The following LAMC2 variants were observed in gnomAD, a reference collection of about 807,000 sequenced individuals.
LAMC2 encodes laminin subunit gamma-2.
In LAMC2, 97 loss-of-function variants were observed where a neutral mutation model predicts 140.2. That is an observed-to-expected ratio of 0.69 (90% CI 0.59 to 0.82). LAMC2 has a LOEUF of 0.82. Among genes scored for constraint, LAMC2 ranks in the 40% least tolerant of loss-of-function variants. The pLI is 0.00. For missense variants in LAMC2, 1,402 were observed against 1,476.1 expected (o/e 0.95, Z 0.82); for synonymous variants, 513 against 540.2 (o/e 0.95, Z 0.70).
Position 183,237,468 on chromosome 1 carries a change from A to C in LAMC2, c.2718A>C (p.Ala906=), listed in dbSNP as rs1429759261. 6.2e-7 allele frequency: 1 copy of C among 1,614,218 alleles called. No individual in the cohort carries two copies. Among genetic ancestry groups the C allele is most frequent in the Non-Finnish European group, 8.5e-7 (1 of 1,180,004 alleles). ...ATCTGGGAAACTGGAAAGAAGAAGC[A>C]CAGCAGCTCTTACAGAATGGAAAAA... The part of the protein sequence containing the change: ...QKNLGNWKEE[A]QQLLQNGKSG... The change falls in exon 18 of 23, where the codon GCA becomes GCC. Residue 906 remains alanine, a synonymous_variant. Transcript: ENST00000264144.
At chr1:183,215,610 T>C (rs1659230452) in intron 3 of LAMC2, 22 bp downstream of exon 3, 1 of 1,614,050 alleles carries the variant, frequency 6.2e-7, no homozygotes, top group Admixed American at 1.7e-5. Flanking sequence ...CATCCCACCA[T>C]GGCTGTCACT....
chr1:183,245,362 T>G (rs1201662721), downstream of LAMC2, among the ~76,000 whole-genome samples: 1 of 152,236 alleles, frequency 6.6e-6, no homozygotes, highest in Non-Finnish European at 1.5e-5. Flanking sequence ...TTGCTTTACC[T>G]TCTGTGAAAA....
the LAMC2 span, among the ~76,000 whole-genome samples, chr1:183,254,084 T>G: frequency 6.6e-6 from 1 of 152,170 alleles, no homozygotes; most frequent in Non-Finnish European, 1.5e-5. Flanking sequence ...GTGATTTCAT[T>G]TTCTTTGGGT....
At chr1:183,241,012 C>A (rs1660120635) in intron 22 of LAMC2, 1 of 154,934 alleles carries the variant, frequency 6.5e-6, no homozygotes, top group Non-Finnish European at 1.4e-5. Context: ...CTTTGGGAGA[C>A]TGAAGCGGGT....
intron 1 of LAMC2, among the ~76,000 whole-genome samples, chr1:183,191,074 C>G (rs934956598): frequency 1.3e-5 from 2 of 152,158 alleles, no homozygotes; most frequent in African/African-American, 4.8e-5. Context: ...TGATAAGTCT[C>G]CAATACATTG....
chr1:183,243,360 C>G lies in LAMC2; in HGVS notation c.3542C>G (p.Pro1181Arg), dbSNP rs1660179839. 6.2e-7 allele frequency: 1 copy of G among 1,614,164 alleles called. No homozygotes were observed. Among genetic ancestry groups the G allele is most frequent in the African/African-American group, 1.3e-5 (1 of 75,048 alleles). ...TTGGAGAACATTAGGGACAACCTGC[C>G]CCCAGGCTGCTACAATACCCAGGCT... ...KNLENIRDNL[P>R]PGCYNTQALE... Residue 1181 changes from proline to arginine, a missense_variant, in exon 23 of 23, where the codon CCC (proline) becomes CGC (arginine). Physicochemically the swap from Pro to Arg is moderately radical, Grantham distance 103 (BLOSUM62 -2). Transcript: ENST00000264144.
In LAMC2 at chr1:183,232,692, G is replaced by C; in HGVS notation, c.2055G>C (p.Arg685Ser). The change falls in exon 14 of 23, where the codon AGG (arginine) becomes AGC (serine). Residue 685 changes from arginine (R) to serine (S), a missense_variant. By Grantham distance (110) the Arg-to-Ser change is moderately radical. This residue lies in a region of LAMC2 where 670 missense variants were observed against 667.2 expected (regional missense o/e 1.00). Coordinates refer to ENST00000264144, the MANE Select transcript of LAMC2 (RefSeq NM_005562.3). The stretch of plus-strand genomic sequence containing the variant: ...TTGGTCTCCAGTTGGCCAAGGTGAG[G>C]AGCCAAGAGAACAGCTACCAGAGCC... Reference protein sequence around the residue: ...RSLGLQLAKVRSQENSYQSRL... With the variant: ...RSLGLQLAKVSSQENSYQSRL... The C allele has an allele frequency of 6.2e-7, 1 of 1,613,546 alleles. No homozygotes were observed. The highest frequency in any genetic ancestry group is 8.5e-7 in the Non-Finnish European group (1 of 1,179,934).
At chr1:183,196,584 T>C (rs1658524275) in intron 1 of LAMC2, among the ~76,000 whole-genome samples, 2 of 152,230 alleles carry the variant, frequency 1.3e-5, no homozygotes, top group Admixed American at 6.5e-5. Context: ...GTATAGCCTT[T>C]TACATTTGGA....
chr1:183,234,802 G>A (rs539275702), intron 15 of LAMC2, among the ~76,000 whole-genome samples: 145 of 152,262 alleles, frequency 9.5e-4, no homozygotes, highest in Middle Eastern at 6.8e-3. Context: ...CCAAGCCTGG[G>A]AACAAGTAGC....
Position 183,233,160 on chromosome 1 carries a change from A to G in LAMC2, c.2220+303A>G, listed in dbSNP as rs368915400. Among the ~76,000 whole-genome samples, 4 of 152,320 alleles carry G rather than the reference A, an allele frequency of 2.6e-5. No homozygotes were observed. In the East Asian group the frequency reaches 5.8e-4, roughly 22 times the overall value. On this transcript the variant is annotated intron_variant, in intron 14 of 22. Transcript: ENST00000264144. ...CCTAGCTTGTTAGCTCCCAGAGGGCAGGATTTACTTTAGTTCATATTTACT... is the reference window on the plus strand; with the variant it reads ...CCTAGCTTGTTAGCTCCCAGAGGGCGGGATTTACTTTAGTTCATATTTACT...
chr1:183,227,550 G>C lies in LAMC2; in HGVS notation c.1321G>C (p.Glu441Gln), dbSNP rs750700066. 1.2e-6 allele frequency: 2 copies of C among 1,614,168 alleles called. No homozygotes were observed. The highest frequency in any genetic ancestry group is 1.1e-5 in the South Asian group (1 of 91,080). ...TTCAGGGGATGAGAATCCTGACATTGAGTGTGCTGACTGCCCAATTGGTTT... is the reference window on the plus strand; with the variant it reads ...TTCAGGGGATGAGAATCCTGACATTCAGTGTGCTGACTGCCCAATTGGTTT... ...CYSGDENPDI[E>Q]CADCPIGFYN... is the part of the protein sequence containing the mutation. Residue 441 changes from glutamate to glutamine, a missense_variant, in exon 10 of 23, where the codon GAG becomes CAG. Around this residue, in one of 3 missense-constraint regions of LAMC2, gnomAD observed 723 missense variants for 783.3 expected, o/e 0.92. Coordinates refer to ENST00000264144, the MANE Select transcript of LAMC2 (RefSeq NM_005562.3).
intron 7 of LAMC2, among the ~76,000 whole-genome samples, chr1:183,224,673 T>TACACACACACACACACACAC (rs3064952): frequency 6.8e-6 from 1 of 147,888 alleles, no homozygotes; most frequent in East Asian, 2.0e-4. Flanking sequence ...GTTCTAATGA[T>TACACACACACACACACACAC]ACACACACAC....
At chr1:183,194,447 C>T (rs1280967095) in intron 1 of LAMC2, among the ~76,000 whole-genome samples, 1 of 151,834 alleles carries the variant, frequency 6.6e-6, no homozygotes, top group Non-Finnish European at 1.5e-5. Context: ...AAATCTTTGC[C>T]TAATCTCCTT....
At chr1:183,188,832 G>A (rs759021624) in intron 1 of LAMC2, among the ~76,000 whole-genome samples, 3 of 152,202 alleles carry the variant, frequency 2.0e-5, no homozygotes, top group Non-Finnish European at 4.4e-5. Context: ...GACTGGAGAA[G>A]GATTGAGAAA....
Position 183,215,685 on chromosome 1 carries a change from G to T in LAMC2, c.404+97G>T. The T allele has an allele frequency of 2.1e-6, 3 of 1,409,838 alleles. No individual in the cohort carries two copies. In the South Asian group the frequency reaches 3.5e-5, roughly 16 times the overall value. 87.3% of individuals were successfully genotyped at this position (1,409,838 alleles called of 1,614,324 possible). ...TGTATTTACTGAGCCCCTACCCTGTGCCAAACACTGCTTTGAGAGTACATC... is the reference window on the plus strand; with the variant it reads ...TGTATTTACTGAGCCCCTACCCTGTTCCAAACACTGCTTTGAGAGTACATC... On this transcript the variant is annotated intron_variant, in intron 3 of 22. Transcript: ENST00000264144.
At chr1:183,249,456 C>G (rs199624546), downstream of LAMC2, 2 of 152,176 alleles carry the variant, frequency 1.3e-5, no homozygotes, top group Non-Finnish European at 2.9e-5. Context: ...CAGTCCATGC[C>G]TTTCTCACAA....
chr1:183,226,764 G>A lies in LAMC2; in HGVS notation c.1133G>A (p.Trp378Ter). 1 of 1,614,224 alleles carries A rather than the reference G, an allele frequency of 6.2e-7. No individual in the cohort carries two copies. The highest frequency in any genetic ancestry group is 8.5e-7 in the Non-Finnish European group (1 of 1,180,044). Reference sequence around the variant, plus strand: ...CCTGTCTCTGGAGCCCCAGCACCCTGGGTTGAACAGTGTATATGTCCTGTT... The same window carrying A: ...CCTGTCTCTGGAGCCCCAGCACCCTAGGTTGAACAGTGTATATGTCCTGTT... ...ARPVSGAPAP[W>*]VEQCICPVGY... The change falls in exon 9 of 23, where the codon TGG (tryptophan) becomes TAG (stop). Residue 378 changes from tryptophan to a stop codon, truncating the protein, a stop_gained. Transcript: ENST00000264144. LOFTEE classifies it high-confidence loss of function.
intron 1 of LAMC2, among the ~76,000 whole-genome samples, chr1:183,188,128 A>G (rs1658211238): frequency 6.6e-6 from 1 of 152,186 alleles, no homozygotes; most frequent in African/African-American, 2.4e-5. Flanking sequence ...CATCTACCCC[A>G]AGAAGTCAGA....
At chr1:183,203,873 T>C (rs1282026218) in intron 1 of LAMC2, among the ~76,000 whole-genome samples, 1 of 152,118 alleles carries the variant, frequency 6.6e-6, no homozygotes, top group African/African-American at 2.4e-5. Flanking sequence ...GAGACCCATT[T>C]GAAAGGAAAG....
Sources: gnomAD v4.1 joint callset for allele counts (sites outside exome capture counted in the v4.1 genomes callset) on GRCh38, gnomAD v4.1.1 for gene constraint, gnomAD v4.1.1 regional missense constraint, MANE v1.5 for transcripts, NCBI Gene and HGNC (gene_info 2026-07-23, HGNC 2026-07-21) for gene names.